Variants in XPO7 observed in about 807,000 individuals in gnomAD.
XPO7 encodes the protein exportin-7.
In XPO7, 21 loss-of-function variants were observed where a neutral mutation model predicts 144.3. The observed-to-expected ratio is 0.15, with a 90% CI of 0.10 to 0.21. The LOEUF is 0.21. Ranked by LOEUF, XPO7 falls within the 10% of genes least tolerant of loss-of-function variation. XPO7 has a pLI of 1.00. For synonymous variants in XPO7, 580 were observed against 499.6 expected (o/e 1.16, Z -2.15); for missense variants, 808 against 1,325.8 (o/e 0.61, Z 6.06).
Position 21,966,797 on chromosome 8 carries a change from C to T in XPO7, c.19-60C>T, listed in dbSNP as rs374468035. The T allele has an allele frequency of 2.5e-4, 378 of 1,537,026 alleles. 1 individual carries two copies. Among genetic ancestry groups the T allele is most frequent in the South Asian group, 3.6e-4 (28 of 78,238 alleles). ...TTTATCTTTGTTTATTAATTTTAAG[C>T]ACAGTTGCTTACATTTGTAGTAGGC... On this transcript the variant is annotated intron_variant, in intron 1 of 27. Transcript: ENST00000252512.
At chr8:21,997,608 C>A (rs1369913257) in intron 21 of XPO7, among the ~76,000 whole-genome samples, 1 of 152,106 alleles carries the variant, frequency 6.6e-6, no homozygotes, top group Non-Finnish European at 1.5e-5. Flanking sequence ...TGAGCAGAGC[C>A]AGATCATCTA....
Position 21,981,784 on chromosome 8 carries a change from G to A in XPO7, c.1011G>A (p.Leu337=). The part of the protein sequence containing the change: ...YHEFCRLLAR[L]KSNYQLGELV... ...AGTTTTGCAGACTACTGGCCCGATT[G>A]AAGAGTAACTATCAACTGGGAGAAT... The change falls in exon 10 of 28, where the codon TTG becomes TTA. Residue 337 remains leucine, a synonymous_variant. Coordinates refer to ENST00000252512, the MANE Select transcript of XPO7 (RefSeq NM_015024.5). 1 of 1,613,942 alleles carries A rather than the reference G, an allele frequency of 6.2e-7. No homozygotes were observed. Among genetic ancestry groups the A allele is most frequent in the Non-Finnish European group, 8.5e-7 (1 of 1,179,882 alleles).
At chr8:21,949,624 G>A (rs1811304696) in intron 1 of XPO7, among the ~76,000 whole-genome samples, 1 of 152,198 alleles carries the variant, frequency 6.6e-6, no homozygotes. Context: ...AGGCCACGTG[G>A]TTCATGACTT....
rs375170546 is a variant in XPO7 at position 21,984,805 on chromosome 8, C to G, written c.1437C>G (p.Ala479=). 2 of 1,613,994 alleles carry G rather than the reference C, an allele frequency of 1.2e-6. No individual in the cohort carries two copies. The highest frequency in any genetic ancestry group is 1.7e-6 in the Non-Finnish European group (2 of 1,179,896). Residue 479 remains alanine, a synonymous_variant, in exon 12 of 28, where the codon GCC becomes GCG. Transcript: ENST00000252512. ...CGTACCAGGAGCTGCTACAGAGCGCCAGCGCAAGCCCAATGGACATTGCAG... is the reference window on the plus strand; with the variant it reads ...CGTACCAGGAGCTGCTACAGAGCGCGAGCGCAAGCCCAATGGACATTGCAG... The part of the protein sequence containing the change: ...AQSYQELLQS[A]SASPMDIAVQ...
At chr8:21,992,374 A>G (rs1259335937) in intron 19 of XPO7, among the ~76,000 whole-genome samples, 2 of 152,178 alleles carry the variant, frequency 1.3e-5, no homozygotes, top group Non-Finnish European at 2.9e-5. Context: ...TTACATGTAC[A>G]GTTCAGTGAT....
intron 1 of XPO7, among the ~76,000 whole-genome samples, chr8:21,932,646 T>G (rs1585417815): frequency 6.6e-6 from 1 of 152,168 alleles, no homozygotes; most frequent in Admixed American, 6.5e-5. Flanking sequence ...TTATGCAAGT[T>G]AAAACTGTCT....
intron 2 of XPO7, among the ~76,000 whole-genome samples, chr8:21,969,260 G>A (rs1375758070): frequency 2.0e-5 from 3 of 151,992 alleles, no homozygotes; most frequent in South Asian, 2.1e-4. Context: ...TTGATCAGAC[G>A]GTTCACTTTA....
intron 1 of XPO7, among the ~76,000 whole-genome samples, chr8:21,942,142 A>C (rs1010984602): frequency 2.0e-5 from 3 of 152,214 alleles, no homozygotes; most frequent in African/African-American, 7.2e-5. Flanking sequence ...TTTCTTGGTA[A>C]ATAAGATAAA....
intron 1 of XPO7, among the ~76,000 whole-genome samples, chr8:21,923,312 A>G (rs921891499): frequency 6.6e-6 from 1 of 152,192 alleles, no homozygotes; most frequent in Non-Finnish European, 1.5e-5. Context: ...GCACACACGT[A>G]GATACAAGAA....
intron 7 of XPO7, among the ~76,000 whole-genome samples, chr8:21,977,396 T>C (rs934108526): frequency 2.0e-5 from 3 of 152,094 alleles, no homozygotes; most frequent in African/African-American, 7.2e-5. Context: ...CTGGCGAACA[T>C]GGTGAAACCC....
intron 1 of XPO7, among the ~76,000 whole-genome samples, chr8:21,950,864 A>G (rs1226603323): frequency 6.6e-6 from 1 of 152,012 alleles, no homozygotes; most frequent in Admixed American, 6.6e-5. Context: ...AGCCTGGCGT[A>G]TAATCCCAGC....
At chr8:21,919,984 C>A (rs974570688) in intron 1 of XPO7, among the ~76,000 whole-genome samples, 196 bp downstream of exon 1, 1 of 151,376 alleles carries the variant, frequency 6.6e-6, no homozygotes, top group African/African-American at 2.4e-5. Flanking sequence ...CTTCTCCGTC[C>A]CCTCCCACCC....
intron 13 of XPO7, among the ~76,000 whole-genome samples, chr8:21,986,470 C>G (rs1324366127): frequency 6.6e-6 from 1 of 152,120 alleles, no homozygotes; most frequent in Non-Finnish European, 1.5e-5. Context: ...TATATATCTT[C>G]TGAAAATCCT....
chr8:21,994,497 G>A, intron 20 of XPO7, 46 bp downstream of exon 20: 1 of 1,536,028 alleles, frequency 6.5e-7, no homozygotes. Flanking sequence ...GCCTTAACTG[G>A]AGTGTGATTG....
At chr8:21,935,189 C>T (rs1351498344) in intron 1 of XPO7, among the ~76,000 whole-genome samples, 1 of 152,138 alleles carries the variant, frequency 6.6e-6, no homozygotes, top group Non-Finnish European at 1.5e-5. Context: ...TTTGACTACT[C>T]TATGATTAGT....
chr8:21,974,607 C>T, intron 5 of XPO7, 63 bp from the exon 6 acceptor site: 1 of 1,149,848 alleles, frequency 8.7e-7, no homozygotes, highest in Non-Finnish European at 1.2e-6. Flanking sequence ...TATAGGAAGT[C>T]TACATGAAAA....
At chr8:21,978,282 T>C (rs1812291550) in intron 8 of XPO7, among the ~76,000 whole-genome samples, 2 of 152,236 alleles carry the variant, frequency 1.3e-5, no homozygotes, top group Admixed American at 1.3e-4. Context: ...ATTTGAAAGC[T>C]ATTGGGAATG....
chr8:21,919,729 TGGGGGGGAG>T lies in XPO7; in HGVS notation c.-35_-27del. 3.3e-5 allele frequency: 8 copies of T among 241,932 alleles called. No individual in the cohort carries two copies. The highest frequency in any genetic ancestry group is 5.6e-5 in the Non-Finnish European group (8 of 142,656). 15.0% of individuals were successfully genotyped at this position (241,932 alleles called of 1,614,324 possible). Reference sequence around the variant, plus strand: ...CAGCGGCTCCGGCCGAGGTGCGCGCTGGGGGGGAGGGGGGGCCGGAGAGGAGCATGAATG... The same window carrying T: ...CAGCGGCTCCGGCCGAGGTGCGCGCTGGGGGGCCGGAGAGGAGCATGAATG... On this transcript the variant is annotated 5_prime_UTR_variant, in exon 1 of 28. Transcript: ENST00000252512.
intron 24 of XPO7, 111 bp downstream of exon 24, chr8:21,999,785 G>A: frequency 3.6e-6 from 5 of 1,399,824 alleles, no homozygotes; most frequent in Admixed American, 4.2e-5. Flanking sequence ...CTGCCTTGGG[G>A]GTTTGGCCAT....
Sources: allele counts gnomAD v4.1 joint callset (sites outside exome capture counted in the v4.1 genomes callset), GRCh38; gene constraint gnomAD v4.1.1; transcripts MANE v1.5; gene names NCBI Gene and HGNC (gene_info 2026-07-23, HGNC 2026-07-21).